Variants in LARGE1 observed in about 807,000 individuals in gnomAD.
LARGE1 encodes LARGE xylosyl- and glucuronyltransferase 1, also known as xylosyl- and glucuronyltransferase LARGE1.
A neutral mutation model predicts 87.6 loss-of-function variants in LARGE1; 43 were observed. That is an observed-to-expected ratio of 0.49 (90% CI 0.38 to 0.63). The LOEUF (loss-of-function observed/expected upper bound fraction) is 0.63. LARGE1 is among the 30% of genes least tolerant of loss of function. The pLI is 0.00. For missense variants in LARGE1, 802 were observed against 1,000.2 expected, an observed-to-expected ratio of 0.80 and a Z score of 2.67; for synonymous variants, 434 against 394.6, an observed-to-expected ratio of 1.10 and a Z score of -1.18.
chr22:33,485,034 C>T (rs1403612739), intron 6 of LARGE1, among the ~76,000 whole-genome samples: 1 of 150,894 alleles, frequency 6.6e-6, no homozygotes, highest in Non-Finnish European at 1.5e-5. Context: ...GCCTCAGCCT[C>T]CTGAGTAGCT....
intron 2 of LARGE1, among the ~76,000 whole-genome samples, chr22:33,687,002 C>T (rs1177167058): frequency 6.6e-6 from 1 of 152,196 alleles, no homozygotes; most frequent in Non-Finnish European, 1.5e-5. Context: ...GCTGACCTAA[C>T]TCTCTGTTCC....
chr22:33,434,169 C>A (rs889394192), intron 6 of LARGE1, among the ~76,000 whole-genome samples: 1 of 152,180 alleles, frequency 6.6e-6, no homozygotes, highest in East Asian at 1.9e-4. Flanking sequence ...TGTGTCCTGT[C>A]CTGATGCTAT....
At chr22:33,207,841 T>G (rs1363682157) in intron 11 of LARGE1, among the ~76,000 whole-genome samples, 1 of 152,142 alleles carries the variant, frequency 6.6e-6, no homozygotes, top group Admixed American at 6.6e-5. Flanking sequence ...CTCCCTAGTT[T>G]GACTTGGGTG....
the LARGE1 span, among the ~76,000 whole-genome samples, chr22:33,156,786 T>C: frequency 1.3e-5 from 2 of 152,314 alleles, no homozygotes; most frequent in South Asian, 4.1e-4. Flanking sequence ...GGTTTGGCTG[T>C]GTCCCCACCA....
chr22:33,131,296 TTC>T, the LARGE1 span, among the ~76,000 whole-genome samples: 8 of 150,340 alleles, frequency 5.3e-5, no homozygotes, highest in South Asian at 2.1e-4. Flanking sequence ...CCTGAGTCTG[TTC>T]TCTCTCTCTC....
intron 5 of LARGE1, among the ~76,000 whole-genome samples, chr22:33,565,608 GA>G (rs1232830888): frequency 2.6e-5 from 4 of 152,088 alleles, no homozygotes; most frequent in Admixed American, 2.0e-4. Flanking sequence ...GACAGCAATA[GA>G]GGACACACAC....
intron 6 of LARGE1, among the ~76,000 whole-genome samples, chr22:33,517,835 A>G (rs2071387066): frequency 6.6e-6 from 1 of 152,228 alleles, no homozygotes; most frequent in Non-Finnish European, 1.5e-5. Flanking sequence ...CCACAGATAC[A>G]ATATACCTTA....
chr22:33,827,244 C>T (rs1209826909), intron 1 of LARGE1, among the ~76,000 whole-genome samples: 2 of 151,864 alleles, frequency 1.3e-5, no homozygotes, highest in African/African-American at 4.8e-5. Flanking sequence ...ATGGCAGGCA[C>T]CTGTAATCCC....
intron 6 of LARGE1, among the ~76,000 whole-genome samples, chr22:33,434,791 T>A (rs2067205604): frequency 1.3e-5 from 2 of 152,222 alleles, no homozygotes; most frequent in South Asian, 4.1e-4. Flanking sequence ...GCCTGTGGTC[T>A]AATTTCTACC....
At chr22:33,530,461 CTTTTTT>C (rs5845091) in intron 6 of LARGE1, among the ~76,000 whole-genome samples, 1 of 128,926 alleles carries the variant, frequency 7.8e-6, no homozygotes, top group African/African-American at 2.9e-5. Flanking sequence ...CTTGCTGAGG[CTTTTTT>C]TTTTTTTTTT....
At chr22:33,538,964 T>A (rs771237758) in intron 6 of LARGE1, among the ~76,000 whole-genome samples, 1 of 152,222 alleles carries the variant, frequency 6.6e-6, no homozygotes, top group East Asian at 1.9e-4. Context: ...ATTCAGTGGA[T>A]CTGAGCAAGC....
chr22:33,103,505 T>C, the LARGE1 span, among the ~76,000 whole-genome samples: 1 of 150,918 alleles, frequency 6.6e-6, no homozygotes, highest in Non-Finnish European at 1.5e-5. Flanking sequence ...ATGAGCTCTT[T>C]AAAAGCAGAA....
At chr22:33,292,131 G>T (rs545102234) in intron 12 of LARGE1, among the ~76,000 whole-genome samples, 1 of 152,094 alleles carries the variant, frequency 6.6e-6, no homozygotes, top group African/African-American at 2.4e-5. Flanking sequence ...AACCCACAAA[G>T]AACCATCTTG....
intron 11 of LARGE1, among the ~76,000 whole-genome samples, chr22:33,229,637 A>G (rs1925906045): frequency 1.3e-5 from 2 of 152,288 alleles, no homozygotes; most frequent in South Asian, 4.1e-4. Flanking sequence ...AAATAATAAC[A>G]TAAGAAGGTG....
the LARGE1 span, among the ~76,000 whole-genome samples, chr22:33,090,317 T>C: frequency 6.6e-6 from 1 of 152,204 alleles, no homozygotes; most frequent in Non-Finnish European, 1.5e-5. Flanking sequence ...AAGCACATTA[T>C]TCACTATGTT....
chr22:33,512,975 C>T (rs976858801), intron 6 of LARGE1, among the ~76,000 whole-genome samples: 4 of 152,084 alleles, frequency 2.6e-5, no homozygotes, highest in African/African-American at 9.7e-5. Flanking sequence ...AATGCCTGAG[C>T]CAGATGTGTG....
chr22:33,309,038 G>A (rs533856688), intron 11 of LARGE1, among the ~76,000 whole-genome samples: 121 of 152,280 alleles, frequency 7.9e-4, no homozygotes, highest in African/African-American at 2.4e-3. Flanking sequence ...ATACTATACA[G>A]GCAAGGGGCC....
the LARGE1 span, among the ~76,000 whole-genome samples, chr22:33,123,173 C>T: frequency 2.0e-5 from 3 of 152,130 alleles, no homozygotes; most frequent in Admixed American, 1.3e-4. Flanking sequence ...GAGCCAGACA[C>T]ATTTTACAGC....
intron 10 of LARGE1, among the ~76,000 whole-genome samples, chr22:33,328,250 G>A (rs1937412120): frequency 6.6e-6 from 1 of 152,102 alleles, no homozygotes; most frequent in African/African-American, 2.4e-5. Flanking sequence ...CCACCAACGT[G>A]TTCTATGAAT....
Sources: gnomAD v4.1 joint callset for allele counts (sites outside exome capture counted in the v4.1 genomes callset) on GRCh38, gnomAD v4.1.1 for gene constraint, MANE v1.5 for transcripts, NCBI Gene and HGNC (gene_info 2026-07-23, HGNC 2026-07-21) for gene names.